Variants in IGSF11 observed in about 807,000 individuals in gnomAD.
IGSF11 encodes immunoglobulin superfamily member 11, also known as CXADR like 1.
Under a neutral mutation model 41.0 loss-of-function variants are expected in IGSF11, and 22 were observed. That is an observed-to-expected ratio of 0.54 (90% confidence interval 0.38 to 0.77). The LOEUF (loss-of-function observed/expected upper bound fraction) is 0.77, where lower values mean the gene tolerates loss of function less well. IGSF11 is among the 30% of genes least tolerant of loss of function. The pLI is 0.00. For synonymous variants in IGSF11, 219 were observed against 201.3 expected, an observed-to-expected ratio of 1.09 and a Z score of -0.74; for missense variants, 444 against 530.8, an observed-to-expected ratio of 0.84 and a Z score of 1.61.
chr3:119,065,932 T>G (rs367573458), intron 1 of IGSF11, among the ~76,000 whole-genome samples: 46 of 152,306 alleles, frequency 3.0e-4, no homozygotes, highest in African/African-American at 1.1e-3. Flanking sequence ...ATGTGTAATT[T>G]TCATCAGGGG....
In IGSF11 at chr3:119,008,322, T is replaced by C. The variant is rs537552647; in HGVS notation, c.52+26209A>G. Among the ~76,000 whole-genome samples, 8 of 152,312 alleles carry C rather than the reference T, an allele frequency of 5.3e-5. No homozygotes were observed. In the East Asian group the frequency reaches 1.2e-3, roughly 22 times the overall value. On this transcript the variant is annotated intron_variant, in intron 1 of 6. Transcript: ENST00000393775. ...ATTGTCTTTGGAATATGGCCTTCCT[T>C]GCACTTTTTGAATTCCAAAATCTCC...
chr3:119,110,506 C>T (rs2107518321), intron 1 of IGSF11, among the ~76,000 whole-genome samples: 1 of 152,290 alleles, frequency 6.6e-6, no homozygotes, highest in Non-Finnish European at 1.5e-5. Context: ...GATGGCTTTC[C>T]TGAATACAGC....
At chr3:119,135,491 T>C (rs1308733524) in intron 1 of IGSF11, among the ~76,000 whole-genome samples, 2 of 152,096 alleles carry the variant, frequency 1.3e-5, no homozygotes, top group Non-Finnish European at 2.9e-5. Context: ...ATCAGAGAAA[T>C]GCAAATCAAA....
chr3:118,937,587 T>C (rs1351493424), intron 1 of IGSF11, among the ~76,000 whole-genome samples: 1 of 152,200 alleles, frequency 6.6e-6, no homozygotes, highest in African/African-American at 2.4e-5. Context: ...TGAAGAGTAA[T>C]AGCTGACTAA....
intron 1 of IGSF11, among the ~76,000 whole-genome samples, chr3:119,072,038 A>T (rs1439470364): frequency 6.6e-6 from 1 of 152,198 alleles, no homozygotes; most frequent in Non-Finnish European, 1.5e-5. Context: ...AGGAATAAAA[A>T]ATAAGAGACT....
intron 1 of IGSF11, among the ~76,000 whole-genome samples, chr3:119,026,393 A>G (rs748433877): frequency 1.3e-5 from 2 of 152,212 alleles, no homozygotes; most frequent in Non-Finnish European, 2.9e-5. Context: ...GGACTGATGC[A>G]GATTCCCAAG....
At chr3:118,946,812 T>C (rs1257155666) in intron 1 of IGSF11, among the ~76,000 whole-genome samples, 1 of 152,228 alleles carries the variant, frequency 6.6e-6, no homozygotes, top group Non-Finnish European at 1.5e-5. Context: ...CGTTTTTAAC[T>C]GCTTAACAAA....
At chr3:119,114,119 T>C (rs1454012110) in intron 1 of IGSF11, among the ~76,000 whole-genome samples, 1 of 152,214 alleles carries the variant, frequency 6.6e-6, no homozygotes, top group Non-Finnish European at 1.5e-5. Context: ...CCTCCAGGCC[T>C]GTGATGGGAG....
chr3:119,032,514 T>C (rs567806000), intron 1 of IGSF11, among the ~76,000 whole-genome samples: 5 of 152,194 alleles, frequency 3.3e-5, no homozygotes, highest in Non-Finnish European at 7.4e-5. Context: ...GATTCTCTAC[T>C]ATCTTGCCCC....
At chr3:118,972,956 T>A (rs2107620920) in intron 1 of IGSF11, among the ~76,000 whole-genome samples, 1 of 152,322 alleles carries the variant, frequency 6.6e-6, no homozygotes, top group African/African-American at 2.4e-5. Flanking sequence ...AAGATGCATG[T>A]ACTGTGAAGG....
chr3:118,912,676 T>C (rs938005535), intron 4 of IGSF11, among the ~76,000 whole-genome samples: 2 of 152,182 alleles, frequency 1.3e-5, no homozygotes, highest in Non-Finnish European at 2.9e-5. Flanking sequence ...AGGAAAGGAA[T>C]ATCACCATGA....
chr3:119,029,341 A>C (rs1940174677), intron 1 of IGSF11, among the ~76,000 whole-genome samples: 1 of 152,058 alleles, frequency 6.6e-6, no homozygotes, highest in Non-Finnish European at 1.5e-5. Flanking sequence ...GAATTTTATT[A>C]TACAGTTAAC....
intron 1 of IGSF11, among the ~76,000 whole-genome samples, chr3:118,966,826 T>C (rs1272853988): frequency 6.6e-6 from 1 of 152,208 alleles, no homozygotes; most frequent in Non-Finnish European, 1.5e-5. Context: ...AATGTCCACG[T>C]AGCTTAGCCA....
intron 1 of IGSF11, among the ~76,000 whole-genome samples, chr3:119,057,382 A>C (rs1197939906): frequency 6.6e-6 from 1 of 152,098 alleles, no homozygotes; most frequent in Non-Finnish European, 1.5e-5. Flanking sequence ...ATTGCTTCAA[A>C]GAGAATAAAA....
intron 1 of IGSF11, among the ~76,000 whole-genome samples, chr3:118,933,899 T>C (rs1943056946): frequency 6.6e-6 from 1 of 152,142 alleles, no homozygotes; most frequent in African/African-American, 2.4e-5. Context: ...GAGGAGTTTA[T>C]CTAGGACCAA....
At chr3:118,998,169 G>T (rs533607622) in intron 1 of IGSF11, among the ~76,000 whole-genome samples, 1 of 152,322 alleles carries the variant, frequency 6.6e-6, no homozygotes, top group South Asian at 2.1e-4. Context: ...GTAAGTGTCA[G>T]ATGAGTTGGC....
At chr3:119,105,854 G>A (rs928609796), upstream of IGSF11, among the ~76,000 whole-genome samples, 2 of 151,974 alleles carry the variant, frequency 1.3e-5, no homozygotes, top group Non-Finnish European at 2.9e-5. Flanking sequence ...TTTAGTTAAG[G>A]TCCCTTTTTG....
intron 1 of IGSF11, among the ~76,000 whole-genome samples, chr3:119,020,973 A>G (rs1180667139): frequency 1.3e-5 from 2 of 152,204 alleles, no homozygotes; most frequent in Non-Finnish European, 2.9e-5. Flanking sequence ...TATAACTCAC[A>G]GTGGTGTATA....
At position 118,991,415 on chromosome 3, in the gene IGSF11, T is replaced by A. The variant is rs562149201; in HGVS notation, c.52+43116A>T. 3.5e-3 allele frequency among the ~76,000 whole-genome samples: 527 copies of A among 152,336 alleles called. 5 individuals carry two copies. The highest frequency in any genetic ancestry group is 2.7e-3 in the Non-Finnish European group (183 of 68,034). The stretch of plus-strand genomic sequence containing the variant: ...AAAGTATGTAACAGGCTTAGTTTTA[T>A]AACAACATCTACTGTATTCTAGTCA... On this transcript the variant is annotated intron_variant, in intron 1 of 6. Transcript: ENST00000393775.
Sources: allele counts gnomAD v4.1 joint callset (sites outside exome capture counted in the v4.1 genomes callset), GRCh38; gene constraint gnomAD v4.1.1; transcripts MANE v1.5; gene names NCBI Gene and HGNC (gene_info 2026-07-23, HGNC 2026-07-21).